The following KCNAB2 variants were observed in gnomAD, a reference collection of about 807,000 sequenced individuals.
KCNAB2 encodes the protein potassium voltage-gated channel subfamily A regulatory beta subunit 2.
KCNAB2 carries 29 observed loss-of-function variants against 63.6 expected under a neutral mutation model. The observed-to-expected ratio is 0.46, with a 90% CI of 0.34 to 0.62. The LOEUF is 0.62. Ranked by LOEUF, KCNAB2 falls within the 20% of genes least tolerant of loss-of-function variation. KCNAB2 has a pLI of 0.01. For missense variants in KCNAB2, 359 were observed against 563.9 expected (o/e 0.64, Z 3.68); for synonymous variants, 222 against 224.2 (o/e 0.99, Z 0.09).
intron 1 of KCNAB2, among the ~76,000 whole-genome samples, chr1:6,049,252 A>G (rs943319268): frequency 2.6e-5 from 4 of 152,154 alleles, no homozygotes; most frequent in Non-Finnish European, 4.4e-5. Flanking sequence ...TTCTACAAGT[A>G]TCTGAGTCCC....
intron 10 of KCNAB2, among the ~76,000 whole-genome samples, chr1:6,092,650 T>C (rs1222731854): frequency 6.6e-6 from 1 of 152,196 alleles, no homozygotes; most frequent in Non-Finnish European, 1.5e-5. Flanking sequence ...TAGTCAGAGA[T>C]TCTCCTGGGA....
intron 1 of KCNAB2, chr1:6,025,904 TCC>T (rs1489468549): frequency 7.3e-6 from 1 of 137,838 alleles, no homozygotes; most frequent in African/African-American, 2.6e-5. Context: ...ACACAGCCGA[TCC>T]CGGCACACAG....
intron 1 of KCNAB2, among the ~76,000 whole-genome samples, chr1:5,993,372 A>G (rs1336374708): frequency 7.4e-6 from 1 of 134,604 alleles, no homozygotes; most frequent in Non-Finnish European, 1.6e-5. Context: ...CCTGCTCCCC[A>G]AGACTGTGAC....
At chr1:6,097,542 C>A in intron 15 of KCNAB2, 185 bp downstream of exon 15, 1 of 1,042,428 alleles carries the variant, frequency 9.6e-7, no homozygotes, top group Non-Finnish European at 1.4e-6. Context: ...ACACTAACTG[C>A]ACGAAACAAG....
At chr1:5,997,518 G>A (rs1442551198) in intron 1 of KCNAB2, among the ~76,000 whole-genome samples, 1 of 152,186 alleles carries the variant, frequency 6.6e-6, no homozygotes, top group African/African-American at 2.4e-5. Flanking sequence ...CAGCCCCTGG[G>A]CACCGAGTGG....
In KCNAB2 at chr1:6,015,016, CTTTT is replaced by C. The variant is rs34742623; in HGVS notation, c.-53+22251_-53+22254del. 3.6e-5 allele frequency among the ~76,000 whole-genome samples: 3 copies of C among 82,808 alleles called. No homozygotes were observed. In the South Asian group the frequency reaches 1.2e-3, roughly 34 times the overall value. The allele number at this position is 82,808 out of a possible 152,430, so 54.3% of individuals were successfully genotyped here. On this transcript the variant is annotated intron_variant, in intron 1 of 16. Transcript: ENST00000341524. ...TTTTATTACAGACGGGGTCACCTTC[CTTTT>C]TTTTTTTTTTTTTTTTTTTTTTGTT...
intron 1 of KCNAB2, among the ~76,000 whole-genome samples, chr1:6,023,174 G>A (rs1312853803): frequency 6.6e-6 from 1 of 152,174 alleles, no homozygotes; most frequent in Non-Finnish European, 1.5e-5. Context: ...GAGCCACCAT[G>A]TTCAGCCTTT....
intron 1 of KCNAB2, among the ~76,000 whole-genome samples, chr1:6,019,527 T>C (rs1470957884): frequency 6.6e-6 from 1 of 152,128 alleles, no homozygotes; most frequent in African/African-American, 2.4e-5. Flanking sequence ...GGCAGGGTGC[T>C]GATGTTCCAG....
chr1:6,030,449 G>GTGTT (rs1491527184), upstream of KCNAB2, among the ~76,000 whole-genome samples: 7 of 92,902 alleles, frequency 7.5e-5, no homozygotes, highest in Non-Finnish European at 1.3e-4. Context: ...CCCCTCCAAC[G>GTGTT]TGTGTGTGTG....
At chr1:6,032,986 C>T (rs773920725), upstream of KCNAB2, among the ~76,000 whole-genome samples, 1 of 152,198 alleles carries the variant, frequency 6.6e-6, no homozygotes, top group Non-Finnish European at 1.5e-5. Context: ...TTGAATGGAT[C>T]CCAGATTTTT....
intron 8 of KCNAB2, among the ~76,000 whole-genome samples, chr1:6,090,027 C>T (rs566999970): frequency 1.8e-4 from 28 of 152,338 alleles, no homozygotes; most frequent in African/African-American, 5.5e-4. Context: ...TTTGATGGGA[C>T]GGGCAGCAGG....
At chr1:6,013,632 G>A (rs1395791894) in intron 1 of KCNAB2, among the ~76,000 whole-genome samples, 1 of 152,042 alleles carries the variant, frequency 6.6e-6, no homozygotes, top group Non-Finnish European at 1.5e-5. Context: ...TGGAAACCCA[G>A]GAGCCACCTG....
At chr1:6,084,659 T>C (rs527588605) in intron 5 of KCNAB2, among the ~76,000 whole-genome samples, 5 of 151,982 alleles carry the variant, frequency 3.3e-5, no homozygotes, top group Admixed American at 6.6e-5. Context: ...CTACTAAAAA[T>C]ACAAAAATTA....
chr1:6,085,769 G>A, intron 6 of KCNAB2: 5 of 920,120 alleles, frequency 5.4e-6, no homozygotes, highest in Non-Finnish European at 6.5e-6. Context: ...CCTCTCCGGA[G>A]CTCACTGTTC....
chr1:5,997,532 G>T (rs1466535833), intron 1 of KCNAB2, among the ~76,000 whole-genome samples: 1 of 152,212 alleles, frequency 6.6e-6, no homozygotes, highest in Non-Finnish European at 1.5e-5. Flanking sequence ...CGAGTGGGTT[G>T]CAGAGCCATG....
intron 2 of KCNAB2, 43 bp from the exon 3 acceptor site, chr1:6,072,712 T>A: frequency 1.2e-6 from 2 of 1,608,140 alleles, no homozygotes; most frequent in Non-Finnish European, 1.7e-6. Context: ...GCTGGCAGGG[T>A]CCTGCCTGGG....
At chr1:6,012,218 TGATGGGTGGAGGTGGAGGTGATGAAGGC>T (rs1378655515) in intron 1 of KCNAB2, among the ~76,000 whole-genome samples, 40 of 121,766 alleles carry the variant, frequency 3.3e-4, no homozygotes, top group Non-Finnish European at 5.2e-4. Flanking sequence ...AAGGCGGAGG[TGATGGGTGGAGGTGGAGGTGATGAAGGC>T]GGAGGTGGTG....
In KCNAB2 at chr1:6,028,204, T is replaced by C. The variant is rs1044211337; in HGVS notation, c.-52-12313T>C. Among the ~76,000 whole-genome samples the C allele has an allele frequency of 6.6e-6, 1 of 152,184 alleles. No homozygotes were observed. Among genetic ancestry groups the C allele is most frequent in the Admixed American group, 6.5e-5 (1 of 15,278 alleles). On this transcript the variant is annotated intron_variant, in intron 1 of 16. Transcript: ENST00000341524. This position sits in a 1 kb window ranked among gnomAD's most constrained non-coding sequence, Gnocchi z 4.0. The stretch of plus-strand genomic sequence containing the variant: ...CCCACCCAGGGAAGGAATGGGCTCC[T>C]GTGTGGGCTCCTGGCTTCTGGGTGA...
Position 6,087,652 on chromosome 1 carries a change from C to G in KCNAB2, c.470+141C>G. 2 of 828,862 alleles carry G rather than the reference C, an allele frequency of 2.4e-6. No homozygotes were observed. Among genetic ancestry groups the G allele is most frequent in the Non-Finnish European group, 3.9e-6 (2 of 507,654 alleles). 51.3% of individuals were successfully genotyped at this position (828,862 alleles called of 1,614,324 possible). On this transcript the variant is annotated intron_variant, in intron 7 of 15. Transcript: ENST00000378083. The surrounding 1 kb of genome is among the most constrained non-coding windows in gnomAD (Gnocchi z 6.4). ...AGAAGGGAGAGTGGTCGGGGTCTGT[C>G]CTGGACAGGCCCCGGCCCAGTGCCA...
Sources: gnomAD v4.1 joint callset for allele counts (sites outside exome capture counted in the v4.1 genomes callset) on GRCh38, gnomAD v4.1.1 for gene constraint, Gnocchi (gnomAD v3.1) non-coding constraint, MANE v1.5 for transcripts, NCBI Gene and HGNC (gene_info 2026-07-23, HGNC 2026-07-21) for gene names.